Variants in TCTN2 observed in about 807,000 individuals in gnomAD.
TCTN2 encodes tectonic-2.
A neutral mutation model predicts 83.4 loss-of-function variants in TCTN2; 66 were observed. The ratio of observed to expected loss-of-function variants is 0.79; its 90% confidence interval spans 0.65 to 0.97. The LOEUF (loss-of-function observed/expected upper bound fraction) is 0.97. Among genes scored for constraint, TCTN2 ranks in the 50% least tolerant of loss-of-function variants. TCTN2 has a pLI of 0.00. For synonymous variants in TCTN2, 301 were observed against 326.7 expected, an observed-to-expected ratio of 0.92 and a Z score of 0.85; for missense variants, 794 against 858.1, an observed-to-expected ratio of 0.93 and a Z score of 0.93.
intron 11 of TCTN2, chr12:123,696,064 G>A (rs1024419888): frequency 1.3e-5 from 4 of 312,786 alleles, no homozygotes; most frequent in African/African-American, 6.5e-5. Context: ...TACTGGTCTC[G>A]AACTCCTGAC....
intron 5 of TCTN2, among the ~76,000 whole-genome samples, chr12:123,680,077 G>T (rs1352646924): frequency 6.6e-6 from 1 of 151,814 alleles, no homozygotes; most frequent in Non-Finnish European, 1.5e-5. Context: ...ATTTTGGTGG[G>T]CGCAGTGGCG....
rs759754931 is a variant in TCTN2, at chr12:123,690,549, A to G, written c.908A>G (p.Gln303Arg). Residue 303 changes from glutamine to arginine, a missense_variant, in exon 8 of 18, where the codon CAG (glutamine) becomes CGG (arginine). By Grantham distance (43) the Gln-to-Arg change is conservative. Transcript: ENST00000303372. ...FTIPQVSLAG[Q>R]CMQNAPVAFL... is the part of the protein sequence containing the mutation. Reference sequence around the variant, plus strand: ...CTCCCTCAGGTGTCCCTGGCTGGGCAGTGTATGCAGAACGCCCCAGTGGCA... The same window carrying G: ...CTCCCTCAGGTGTCCCTGGCTGGGCGGTGTATGCAGAACGCCCCAGTGGCA... 1.2e-6 allele frequency: 2 copies of G among 1,614,210 alleles called. No individual in the cohort carries two copies. The highest frequency in any genetic ancestry group is 1.7e-6 in the Non-Finnish European group (2 of 1,180,036).
chr12:123,701,188 A>G (rs1444854783), intron 14 of TCTN2, among the ~76,000 whole-genome samples: 1 of 152,240 alleles, frequency 6.6e-6, no homozygotes, highest in Non-Finnish European at 1.5e-5. Context: ...ATTTATATGC[A>G]ATGTCCAGAA....
chr12:123,679,433 C>A, intron 5 of TCTN2, 144 bp downstream of exon 5: 1 of 778,080 alleles, frequency 1.3e-6, no homozygotes. Flanking sequence ...GCAATGATGG[C>A]TCACTGCAGC....
At chr12:123,690,051 C>T (rs1460276650) in intron 7 of TCTN2, among the ~76,000 whole-genome samples, 1 of 152,206 alleles carries the variant, frequency 6.6e-6, no homozygotes, top group Non-Finnish European at 1.5e-5. Context: ...TCTCCCACTA[C>T]AGCCTTCCAA....
intron 12 of TCTN2, 82 bp downstream of exon 12, chr12:123,696,577 A>G (rs1956112497): frequency 7.8e-7 from 1 of 1,284,860 alleles, no homozygotes; most frequent in African/African-American, 1.5e-5. Flanking sequence ...TAATCAAGCA[A>G]TCAATTATTT....
intron 5 of TCTN2, among the ~76,000 whole-genome samples, chr12:123,685,036 C>A (rs1955947019): frequency 6.9e-6 from 1 of 145,682 alleles, no homozygotes; most frequent in African/African-American, 2.5e-5. Flanking sequence ...GGTGACAGAG[C>A]GAGACTCCAT....
intron 11 of TCTN2, 43 bp from the exon 12 acceptor site, chr12:123,696,372 G>T (rs1363918012): frequency 4.0e-6 from 6 of 1,511,678 alleles, no homozygotes; most frequent in Non-Finnish European, 5.5e-6. Flanking sequence ...GGCTTGCTAT[G>T]CTGGAGGAAA....
chr12:123,671,549 G>A lies in TCTN2; in HGVS notation c.125G>A (p.Ser42Asn), dbSNP rs578209704. The A allele has an allele frequency of 3.1e-6, 5 of 1,614,056 alleles. No homozygotes were observed. The African/African-American group carries it at 6.7e-5, about 22-fold the overall frequency. Residue 42 changes from serine to asparagine, a missense_variant, in exon 2 of 18, where the codon AGC (serine) becomes AAC (asparagine). Ser to Asn is a conservative substitution (Grantham distance 46, BLOSUM62 1). Transcript: ENST00000303372. ...PFIRMSGPAVSASLVGDTEGV... is the reference protein window; with the variant it reads ...PFIRMSGPAVNASLVGDTEGV... ...ATCCGAATGTCCGGCCCTGCGGTCAGCGCGTCCCTGGTCGGAGACACCGAG... is the reference window on the plus strand; with the variant it reads ...ATCCGAATGTCCGGCCCTGCGGTCAACGCGTCCCTGGTCGGAGACACCGAG...
rs768351432 is a variant in TCTN2, at chr12:123,673,659, G to T, written c.312G>T (p.Trp104Cys). Residue 104 changes from tryptophan to cysteine, a missense_variant, in exon 4 of 18, where the codon TGG becomes TGT. Transcript: ENST00000303372. ...VTVRWKRGLD[W>C]CSSNETDSFS... The stretch of plus-strand genomic sequence containing the variant: ...TGAGGTGGAAGAGAGGTCTGGACTG[G>T]TGTTCCTCCAATGAGACAGATTCCT... 1.2e-6 allele frequency: 2 copies of T among 1,614,216 alleles called. No individual in the cohort carries two copies. The highest frequency in any genetic ancestry group is 1.7e-6 in the Non-Finnish European group (2 of 1,180,054).
chr12:123,672,914 A>G (rs1955774191), intron 3 of TCTN2, among the ~76,000 whole-genome samples: 1 of 152,104 alleles, frequency 6.6e-6, no homozygotes, highest in Non-Finnish European at 1.5e-5. Flanking sequence ...GCTGGGCGTG[A>G]TGGCGGGTGC....
chr12:123,688,763 C>CTT (rs72477887), intron 7 of TCTN2, among the ~76,000 whole-genome samples: 1 of 150,852 alleles, frequency 6.6e-6, no homozygotes, highest in African/African-American at 2.4e-5. Flanking sequence ...CATTCTTTTT[C>CTT]TTTTTTTTTG....
intron 14 of TCTN2, among the ~76,000 whole-genome samples, chr12:123,701,540 C>A (rs900702893): frequency 6.6e-6 from 1 of 151,750 alleles, no homozygotes; most frequent in African/African-American, 2.4e-5. Context: ...AGATCGAGAG[C>A]ATCCTGCCTA....
intron 14 of TCTN2, 126 bp from the exon 15 acceptor site, chr12:123,704,406 G>A: frequency 1.0e-6 from 1 of 967,088 alleles, no homozygotes; most frequent in Admixed American, 2.0e-5. Flanking sequence ...ACTAGAGCCT[G>A]TAAGAGACTA....
intron 12 of TCTN2, chr12:123,696,697 A>C (rs1956113543): frequency 4.9e-6 from 3 of 613,478 alleles, no homozygotes. Flanking sequence ...CATTGTTTGC[A>C]CCTGAAGTGC....
intron 7 of TCTN2, among the ~76,000 whole-genome samples, chr12:123,689,059 T>G (rs767358147): frequency 9.9e-5 from 15 of 151,308 alleles, no homozygotes; most frequent in Non-Finnish European, 1.8e-4. Context: ...TTTTTTAAAT[T>G]AAAAAAATTT....
chr12:123,708,157 G>C lies in TCTN2; in HGVS notation c.*444G>C, dbSNP rs1956255405. 1 of 191,918 alleles carries C rather than the reference G, an allele frequency of 5.2e-6. No individual in the cohort carries two copies. Among genetic ancestry groups the C allele is most frequent in the Non-Finnish European group, 1.1e-5 (1 of 92,674 alleles). 11.9% of individuals were successfully genotyped at this position (191,918 alleles called of 1,614,324 possible). ...GCTGGGACCACAGATGCTCCACCAT[G>C]CCTGGCTGTATTTTTGGTAAAGACG... On this transcript the variant is annotated 3_prime_UTR_variant, in exon 18 of 18. Coordinates refer to ENST00000303372, the MANE Select transcript of TCTN2 (RefSeq NM_024809.5).
chr12:123,693,818 CT>C (rs200654361), intron 9 of TCTN2, among the ~76,000 whole-genome samples: 3,231 of 138,626 alleles, frequency 0.023, 88 homozygotes, highest in Admixed American at 0.058. Context: ...TCTTTCTTTT[CT>C]TTTTTTTTTT....
At chr12:123,676,890 G>A (rs181067510) in intron 4 of TCTN2, among the ~76,000 whole-genome samples, 1 of 152,226 alleles carries the variant, frequency 6.6e-6, no homozygotes, top group East Asian at 1.9e-4. Context: ...GTGTCTCGTG[G>A]CTGGGGGTGG....
Sources: allele counts gnomAD v4.1 joint callset (sites outside exome capture counted in the v4.1 genomes callset), GRCh38; gene constraint gnomAD v4.1.1; transcripts MANE v1.5; gene names NCBI Gene and HGNC (gene_info 2026-07-23, HGNC 2026-07-21).